CALN1: variants seen among roughly 807,000 people sequenced by gnomAD.
The protein encoded by CALN1 is calneuron 1, also known as calcium-binding protein 8.
Under a neutral mutation model 30.6 loss-of-function variants are expected in CALN1, and 17 were observed. The ratio of observed to expected loss-of-function variants is 0.56; its 90% CI spans 0.38 to 0.83. The LOEUF (loss-of-function observed/expected upper bound fraction) is 0.83. Ranked by LOEUF, CALN1 falls within the 40% of genes least tolerant of loss-of-function variation. The pLI, the probability that CALN1 is intolerant of heterozygous loss-of-function variation, is 0.00. For synonymous variants in CALN1, 156 were observed against 131.4 expected (o/e 1.19, Z -1.28); for missense variants, 291 against 354.9 (o/e 0.82, Z 1.45).
the CALN1 span, among the ~76,000 whole-genome samples, chr7:72,500,269 C>CTTTTTTTTTTTTTTTTTTTTTTTTTTT: frequency 7.8e-5 from 4 of 51,364 alleles, 1 homozygote; most frequent in Non-Finnish European, 1.3e-4. Context: ...TTCGTTCCTT[C>CTTTTTTTTTTTTTTTTTTTTTTTTTTT]TTTTTTTTTT....
At chr7:72,012,333 T>A (rs748741943) in intron 5 of CALN1, among the ~76,000 whole-genome samples, 13 of 152,118 alleles carry the variant, frequency 8.5e-5, no homozygotes, top group Non-Finnish European at 1.6e-4. Context: ...GCCAACATGG[T>A]GAAATCCCAT....
intron 5 of CALN1, among the ~76,000 whole-genome samples, chr7:71,994,693 G>A (rs1035559761): frequency 3.9e-5 from 6 of 151,996 alleles, no homozygotes; most frequent in African/African-American, 1.2e-4. Context: ...ACAGAGAGGG[G>A]TCCTGGAGAA....
In CALN1 at chr7:71,781,297, T is replaced by G. The variant is rs1481637348; in HGVS notation, c.*6478A>C. 6.6e-6 allele frequency: 1 copy of G among 152,332 alleles called. No homozygotes were observed. The highest frequency in any genetic ancestry group is 1.9e-4 in the East Asian group (1 of 5,204). 9.4% of individuals were successfully genotyped at this position (152,332 alleles called of 1,614,324 possible). ...CTCCTGGGCTTTCTCCAGCTGGTAG[T>G]ACCGTCCACACTTTGAGTTCTTTCT... is the stretch of plus-strand genomic sequence containing the variant. On this transcript the variant is annotated 3_prime_UTR_variant, in exon 7 of 7. Transcript: ENST00000395275.
chr7:72,361,413 G>C (rs1392505384), intron 2 of CALN1, among the ~76,000 whole-genome samples: 1 of 152,188 alleles, frequency 6.6e-6, no homozygotes, highest in Admixed American at 6.5e-5. Flanking sequence ...GGCTGAGGCA[G>C]GAGCATCGCT....
At chr7:71,845,042 C>A (rs1010393893) in intron 5 of CALN1, among the ~76,000 whole-genome samples, 1 of 152,058 alleles carries the variant, frequency 6.6e-6, no homozygotes, top group Admixed American at 6.6e-5. Context: ...TGCCACCACA[C>A]CAGGCTAATT....
intron 2 of CALN1, among the ~76,000 whole-genome samples, chr7:72,329,749 T>C (rs906991289): frequency 2.0e-5 from 3 of 147,290 alleles, no homozygotes; most frequent in African/African-American, 7.6e-5. Flanking sequence ...AGGTCAGGAG[T>C]TCGAGACCAG....
At chr7:72,487,768 G>GGAAGGGT in the CALN1 span, among the ~76,000 whole-genome samples, 1 of 76,292 alleles carries the variant, frequency 1.3e-5, no homozygotes, top group African/African-American at 5.9e-5. Flanking sequence ...GAAGGGTAAA[G>GGAAGGGT]AAAGAAAGAA....
At chr7:72,337,078 G>T (rs1315259738) in intron 2 of CALN1, 11 of 985,730 alleles carry the variant, frequency 1.1e-5, no homozygotes, top group Non-Finnish European at 1.2e-5. Flanking sequence ...TGGCCGCGCG[G>T]GTTCAGCCCA....
intron 3 of CALN1, among the ~76,000 whole-genome samples, chr7:72,267,500 G>A (rs1043772423): frequency 3.3e-5 from 5 of 152,190 alleles, no homozygotes; most frequent in Non-Finnish European, 7.3e-5. Flanking sequence ...TCACAGTGGT[G>A]GCAGAGATAT....
chr7:72,143,073 C>T lies in CALN1; in HGVS notation c.245-36779G>A, dbSNP rs918331637. ...AATTCTAAAAATCAAAGTGCCTCTC[C>T]TCCTCCAAAGGAATGCAGCTCCTCA... On this transcript the variant is annotated intron_variant, in intron 3 of 6. Transcript: ENST00000395275. Among the ~76,000 whole-genome samples, 4 of 152,328 alleles carry T rather than the reference C, an allele frequency of 2.6e-5. No homozygotes were observed. The East Asian group carries it at 5.8e-4, about 22-fold the overall frequency.
At chr7:72,340,623 G>A (rs966414057) in intron 2 of CALN1, among the ~76,000 whole-genome samples, 1 of 152,178 alleles carries the variant, frequency 6.6e-6, no homozygotes, top group Non-Finnish European at 1.5e-5. Flanking sequence ...TGGGTGAGCA[G>A]CCCAGTGACA....
At chr7:71,984,734 C>A (rs1798574641) in intron 5 of CALN1, among the ~76,000 whole-genome samples, 2 of 152,218 alleles carry the variant, frequency 1.3e-5, no homozygotes, top group Admixed American at 1.3e-4. Flanking sequence ...CCCAGACCAG[C>A]TGCAGAGTAA....
chr7:72,174,888 G>A (rs1789229912), intron 3 of CALN1, among the ~76,000 whole-genome samples: 3 of 151,474 alleles, frequency 2.0e-5, no homozygotes, highest in Admixed American at 2.0e-4. Context: ...TTAAATATGT[G>A]CAGTGTACTG....
intron 5 of CALN1, among the ~76,000 whole-genome samples, chr7:71,955,546 G>T (rs191689062): frequency 6.1e-4 from 93 of 152,098 alleles, no homozygotes; most frequent in African/African-American, 2.2e-3. Flanking sequence ...GGCACAGCAG[G>T]GGTTCAAATC....
chr7:72,339,056 G>A (rs538990022), intron 2 of CALN1, among the ~76,000 whole-genome samples: 3 of 137,006 alleles, frequency 2.2e-5, no homozygotes, highest in Admixed American at 8.1e-5. Context: ...CCATAAATAA[G>A]TGAAAACATG....
At position 72,412,013 on chromosome 7, in the gene CALN1, C is replaced by CTTTAGT. The variant is rs1434885128; in HGVS notation, c.-74+44_-74+45insACTAAA. The CTTTAGT allele has an allele frequency of 2.0e-5, 3 of 152,208 alleles. No homozygotes were observed. In the East Asian group the frequency reaches 5.8e-4, roughly 29 times the overall value. The allele number at this position is 152,208 out of a possible 1,614,324, so 9.4% of individuals were successfully genotyped here. A position where few individuals can be genotyped will look rare whatever the true frequency, so the allele number is the denominator to read the frequency against. ...CTCCCAAACCTGGCCCAGCTGGGAA[C>CTTTAGT]TGCATGCAGCTGAGCCCACCATGCT... On this transcript the variant is annotated intron_variant, in intron 1 of 6. Transcript: ENST00000395275.
the CALN1 span, among the ~76,000 whole-genome samples, chr7:72,467,076 A>G: frequency 1.3e-5 from 2 of 152,242 alleles, no homozygotes; most frequent in South Asian, 2.1e-4. Flanking sequence ...CATTACCCCC[A>G]GAGAACAGTG....
chr7:72,339,995 A>T (rs540160487), intron 2 of CALN1, among the ~76,000 whole-genome samples: 1 of 152,172 alleles, frequency 6.6e-6, no homozygotes, highest in Non-Finnish European at 1.5e-5. Flanking sequence ...ATAACATCTT[A>T]GTGTCCTTCA....
intron 4 of CALN1, among the ~76,000 whole-genome samples, chr7:72,081,138 G>T (rs898197534): frequency 6.6e-6 from 1 of 152,124 alleles, no homozygotes; most frequent in African/African-American, 2.4e-5. Flanking sequence ...CATTCTATCT[G>T]CAGGGTGTGT....
Sources: allele counts gnomAD v4.1 joint callset (sites outside exome capture counted in the v4.1 genomes callset), GRCh38; gene constraint gnomAD v4.1.1; transcripts MANE v1.5; gene names NCBI Gene and HGNC (gene_info 2026-07-23, HGNC 2026-07-21).